Variants in CCDC141 observed in about 807,000 individuals in gnomAD.
CCDC141 encodes the protein coiled-coil domain containing 141.
Under a neutral mutation model 181.0 loss-of-function variants are expected in CCDC141, and 168 were observed. The observed-to-expected ratio is 0.93, with a 90% CI of 0.82 to 1.05. The LOEUF is 1.05. Among genes scored for constraint, CCDC141 ranks in the 50% least tolerant of loss-of-function variants. The probability of loss-of-function intolerance (pLI) is 0.00; values close to 1 mark genes in which losing one functional copy is unlikely to be tolerated. For missense variants in CCDC141, 1,902 were observed against 1,788.5 expected, an observed-to-expected ratio of 1.06 and a Z score of -1.14; for synonymous variants, 666 against 642.3, an observed-to-expected ratio of 1.04 and a Z score of -0.56.
Position 178,963,412 on chromosome 2 carries a change from TG to T in CCDC141, c.527-1930del, listed in dbSNP as rs764780392. Among the ~76,000 whole-genome samples, 403 of 151,850 alleles carry T rather than the reference TG, an allele frequency of 2.7e-3. 2 individuals are homozygous for T. The highest frequency in any genetic ancestry group is 4.4e-3 in the Non-Finnish European group (302 of 67,914). On this transcript the variant is annotated intron_variant, in intron 4 of 23. Coordinates refer to ENST00000443758, the MANE Select transcript of CCDC141 (RefSeq NM_173648.4). Reference sequence around the variant, plus strand: ...GAAAGAATAACAGCGTCAAATATACTGTTTTTTTTTGTTTTTTTCAGGTTGG... The same window carrying T: ...GAAAGAATAACAGCGTCAAATATACTTTTTTTTTTGTTTTTTTCAGGTTGG...
At chr2:178,877,649 G>T in intron 12 of CCDC141, 2 of 377,400 alleles carry the variant, frequency 5.3e-6, no homozygotes, top group East Asian at 1.0e-4. Flanking sequence ...GGACCTTGTT[G>T]CATGCTTTCA....
chr2:178,824,478 C>A, the CCDC141 span, among the ~76,000 whole-genome samples: 2 of 151,924 alleles, frequency 1.3e-5, no homozygotes. Flanking sequence ...CAAAAATTAG[C>A]CAGCATGGTG....
At chr2:178,969,104 CAAAAAAAAAAAAAAAA>C (rs55999054) in intron 4 of CCDC141, among the ~76,000 whole-genome samples, 1 of 51,172 alleles carries the variant, frequency 2.0e-5, no homozygotes, top group South Asian at 8.8e-4. Context: ...GCTTACCAAC[CAAAAAAAAAAAAAAAA>C]AAAAAAAAAA....
intron 1 of CCDC141, 119 bp downstream of exon 1, chr2:179,049,721 G>A (rs1321892783): frequency 9.5e-7 from 1 of 1,047,902 alleles, no homozygotes; most frequent in Non-Finnish European, 1.4e-6. Context: ...CAGTAAGAGT[G>A]CTTGCTGCGT....
At chr2:178,865,100 A>G (rs1685786972) in intron 17 of CCDC141, among the ~76,000 whole-genome samples, 2 of 152,254 alleles carry the variant, frequency 1.3e-5, no homozygotes, top group South Asian at 4.1e-4. Context: ...GGTGTTGTGG[A>G]TTTGTTACAG....
At chr2:178,890,852 T>C (rs553352742) in intron 8 of CCDC141, among the ~76,000 whole-genome samples, 1 of 152,302 alleles carries the variant, frequency 6.6e-6, no homozygotes, top group Non-Finnish European at 1.5e-5. Flanking sequence ...ATAGTCATAA[T>C]AGCTACTATT....
intron 7 of CCDC141, among the ~76,000 whole-genome samples, chr2:178,916,434 A>C (rs566229106): frequency 6.6e-6 from 1 of 152,036 alleles, no homozygotes; most frequent in East Asian, 1.9e-4. Flanking sequence ...AAAGAAAAAT[A>C]CCATTTATAA....
intron 5 of CCDC141, among the ~76,000 whole-genome samples, chr2:178,947,773 G>A (rs1417550398): frequency 5.9e-5 from 9 of 152,216 alleles, no homozygotes; most frequent in East Asian, 1.9e-4. Flanking sequence ...TGTCCAATAC[G>A]GTAGCCTCTC....
In CCDC141 at chr2:178,835,273, C is replaced by T. The variant is rs1684432433; in HGVS notation, c.4326-833G>A. Among the ~76,000 whole-genome samples, 4 of 152,114 alleles carry T rather than the reference C, an allele frequency of 2.6e-5. No individual in the cohort carries two copies. In the South Asian group the frequency reaches 8.3e-4, roughly 31 times the overall value. ...TTAATATCACCTCCTGATGAGATCA[C>T]TTCATTTAATTTTTTTGAAGCAATT... On this transcript the variant is annotated intron_variant, in intron 23 of 23. Coordinates refer to ENST00000443758, the MANE Select transcript of CCDC141 (RefSeq NM_173648.4).
intron 7 of CCDC141, among the ~76,000 whole-genome samples, chr2:178,907,913 C>A (rs1688045935): frequency 6.6e-6 from 1 of 151,804 alleles, no homozygotes; most frequent in African/African-American, 2.4e-5. Flanking sequence ...GCAAGAGAAT[C>A]ACTAGAACCC....
chr2:179,031,682 G>T (rs1478159265), intron 2 of CCDC141, among the ~76,000 whole-genome samples: 1 of 152,054 alleles, frequency 6.6e-6, no homozygotes, highest in Non-Finnish European at 1.5e-5. Flanking sequence ...GCTGACATTT[G>T]TGGCTTGTCT....
chr2:178,921,260 G>A (rs139146996), intron 6 of CCDC141, among the ~76,000 whole-genome samples: 12 of 152,246 alleles, frequency 7.9e-5, no homozygotes, highest in South Asian at 2.1e-4. Flanking sequence ...TTTTATTACC[G>A]TTACCACTTA....
the CCDC141 span, among the ~76,000 whole-genome samples, chr2:178,820,430 C>A: frequency 6.6e-6 from 1 of 152,020 alleles, no homozygotes; most frequent in African/African-American, 2.4e-5. Context: ...TCGGATTCTC[C>A]TTTTAGATAT....
At position 178,832,780 on chromosome 2, in the gene CCDC141, G is replaced by A; in HGVS notation, c.*1393C>T. On this transcript the variant is annotated 3_prime_UTR_variant, in exon 24 of 24. Coordinates refer to ENST00000443758, the MANE Select transcript of CCDC141 (RefSeq NM_173648.4). ...AATTTCTTCCCTTCATCAAAAATCT[G>A]TAATGAATTATTCTTTCAACTAAAG... 6.6e-6 allele frequency: 1 copy of A among 152,034 alleles called. No homozygotes were observed. 9.4% of individuals were successfully genotyped at this position (152,034 alleles called of 1,614,324 possible).
intron 8 of CCDC141, among the ~76,000 whole-genome samples, chr2:178,899,675 C>T (rs1687590500): frequency 6.6e-6 from 1 of 152,060 alleles, no homozygotes; most frequent in Non-Finnish European, 1.5e-5. Flanking sequence ...AAACTGTGTC[C>T]CATGAGTGTG....
intron 2 of CCDC141, among the ~76,000 whole-genome samples, chr2:178,997,134 C>A (rs68098357): frequency 0.11 from 16,227 of 152,080 alleles, 960 homozygotes; most frequent in Middle Eastern, 0.14. Context: ...GCAGAATGTA[C>A]CCTGGCAGTT....
chr2:179,015,710 C>CAT (rs1383625581), intron 2 of CCDC141, among the ~76,000 whole-genome samples: 33 of 136,270 alleles, frequency 2.4e-4, no homozygotes, highest in African/African-American at 8.2e-4. Flanking sequence ...ATATATATCT[C>CAT]ATACATATCT....
At position 178,834,378 on chromosome 2, in the gene CCDC141, C is replaced by A. The variant is rs925915791; in HGVS notation, c.4388G>T (p.Arg1463Met). The change falls in exon 24 of 24, where the codon AGG becomes ATG. Residue 1463 changes from arginine (R) to methionine (M), a missense_variant. Arg to Met is a moderately conservative substitution (Grantham distance 91, BLOSUM62 -1). Coordinates refer to ENST00000443758, the MANE Select transcript of CCDC141 (RefSeq NM_173648.4). ...TACCTTTGGAATGAACACCGAATGC[C>A]TTGTCTCCTTGTGTAAAACCTGTAA... ...GHLQVLHKET[R>M]HSVFIPKVCK... is the part of the protein sequence containing the mutation. 3 of 1,536,412 alleles carry A rather than the reference C, an allele frequency of 2.0e-6. No homozygotes were observed. The Admixed American group carries it at 5.9e-5, about 30-fold the overall frequency.
intron 4 of CCDC141, among the ~76,000 whole-genome samples, chr2:178,963,158 G>T (rs1332845974): frequency 2.6e-5 from 4 of 152,088 alleles, no homozygotes; most frequent in Non-Finnish European, 4.4e-5. Context: ...TGGAAATTGG[G>T]GGAGCTACAA....
Sources: allele counts gnomAD v4.1 joint callset (sites outside exome capture counted in the v4.1 genomes callset), GRCh38; gene constraint gnomAD v4.1.1; transcripts MANE v1.5; gene names NCBI Gene and HGNC (gene_info 2026-07-23, HGNC 2026-07-21).